The following RAD52 variants were observed in gnomAD, a reference collection of about 807,000 sequenced individuals.
RAD52 encodes DNA repair protein RAD52 homolog.
A neutral mutation model predicts 55.5 loss-of-function variants in RAD52; 47 were observed. The ratio of observed to expected loss-of-function variants is 0.85; its 90% CI spans 0.67 to 1.08. The LOEUF is 1.08. Ranked by LOEUF, RAD52 falls within the 50% of genes least tolerant of loss-of-function variation. RAD52 has a pLI of 0.00. For synonymous variants in RAD52, 184 were observed against 198.9 expected, an observed-to-expected ratio of 0.92 and a Z score of 0.63; for missense variants, 468 against 522.8, an observed-to-expected ratio of 0.90 and a Z score of 1.02.
chr12:927,631 C>A (rs1957111001), intron 5 of RAD52, among the ~76,000 whole-genome samples: 1 of 152,052 alleles, frequency 6.6e-6, no homozygotes, highest in Non-Finnish European at 1.5e-5. Flanking sequence ...TTTGGGAGGT[C>A]AAGGGAGGTG....
At chr12:959,415 A>G (rs1439759559) in intron 1 of RAD52, among the ~76,000 whole-genome samples, 1 of 152,236 alleles carries the variant, frequency 6.6e-6, no homozygotes, top group Non-Finnish European at 1.5e-5. Context: ...TGAAGGAGAT[A>G]AAGTCTATAC....
chr12:947,182 C>T (rs561685397), intron 1 of RAD52, among the ~76,000 whole-genome samples: 1 of 151,514 alleles, frequency 6.6e-6, no homozygotes, highest in African/African-American at 2.4e-5. Flanking sequence ...CAAAATTAGC[C>T]GGGTGTGGTG....
intron 1 of RAD52, among the ~76,000 whole-genome samples, chr12:943,326 G>A (rs1178697859): frequency 1.3e-5 from 2 of 152,308 alleles, no homozygotes; most frequent in East Asian, 3.9e-4. Flanking sequence ...AGCAGCAGAG[G>A]CCCAATCCCA....
intron 1 of RAD52, among the ~76,000 whole-genome samples, chr12:971,845 T>C (rs1592487482): frequency 6.6e-6 from 1 of 151,092 alleles, no homozygotes; most frequent in Non-Finnish European, 1.5e-5. Flanking sequence ...CCCCCCGGGG[T>C]TCACGCCATT....
rs1222789832 is a variant in RAD52 at position 920,340 on chromosome 12, AG to A, written c.544-3521del. ...GGGAGGCCGAGGTGGGCAGATCACG[AG>A]GTCAGGATATCGAGACCATCCTGGC... On this transcript the variant is annotated intron_variant, in intron 7 of 11. Transcript: ENST00000358495. Among the ~76,000 whole-genome samples the A allele has an allele frequency of 1.7e-5, 2 of 118,308 alleles. 1 individual carries two copies. Among genetic ancestry groups the A allele is most frequent in the Non-Finnish European group, 3.6e-5 (2 of 55,648 alleles). The allele number at this position is 118,308 out of a possible 152,430, so 77.6% of individuals were successfully genotyped here.
At chr12:958,038 T>C (rs1958632592) in intron 1 of RAD52, among the ~76,000 whole-genome samples, 1 of 152,148 alleles carries the variant, frequency 6.6e-6, no homozygotes, top group Non-Finnish European at 1.5e-5. Context: ...GATGGCTCAC[T>C]CGCGTGGCCA....
chr12:965,768 C>A (rs1277662047), intron 1 of RAD52, among the ~76,000 whole-genome samples: 2 of 151,908 alleles, frequency 1.3e-5, no homozygotes, highest in Non-Finnish European at 1.5e-5. Flanking sequence ...ACACTGCAAC[C>A]TCCGCCTTCC....
intron 1 of RAD52, among the ~76,000 whole-genome samples, chr12:944,608 T>TAA (rs778682036): frequency 0.18 from 16,372 of 93,298 alleles, 1,367 homozygotes; most frequent in African/African-American, 0.3. Flanking sequence ...AAAAACATGG[T>TAA]AAAAAAAAAA....
chr12:914,668 G>T, intron 9 of RAD52, 136 bp from the exon 10 acceptor site: 1 of 1,033,080 alleles, frequency 9.7e-7, no homozygotes, highest in Non-Finnish European at 1.4e-6. Context: ...CGCTGCTTCT[G>T]CCAGTAAAAA....
upstream of RAD52, chr12:949,760 A>C (rs1007225332): frequency 2.1e-4 from 32 of 152,114 alleles, no homozygotes; most frequent in African/African-American, 7.2e-4. Context: ...GAGGGGGAAA[A>C]AAAAAAACAC....
intron 7 of RAD52, among the ~76,000 whole-genome samples, chr12:917,133 A>G (rs907893295): frequency 3.3e-5 from 5 of 152,220 alleles, no homozygotes; most frequent in Admixed American, 1.3e-4. Context: ...GGAAATGAGC[A>G]CACACAGTCT....
chr12:973,146 T>C (rs1186357052), intron 1 of RAD52, among the ~76,000 whole-genome samples: 1 of 152,134 alleles, frequency 6.6e-6, no homozygotes, highest in Non-Finnish European at 1.5e-5. Flanking sequence ...CTCGGCTCAC[T>C]GCAAGCTCCC....
Position 973,781 on chromosome 12 carries a change from TC to T in RAD52, c.-19+16027del, listed in dbSNP as rs1301035545. ...GGCATGAGCCACCACGCCCAGTCCTTCTTTTTTTTTTTTTTTTTTTTTTAAG... is the reference window on the plus strand; with the variant it reads ...GGCATGAGCCACCACGCCCAGTCCTTTTTTTTTTTTTTTTTTTTTTTTAAG... On this transcript the variant is annotated intron_variant, in intron 1 of 11. Transcript: ENST00000430095. Among the ~76,000 whole-genome samples, 494 of 137,274 alleles carry T rather than the reference TC, an allele frequency of 3.6e-3. 8 individuals carry two copies. The highest frequency in any genetic ancestry group is 0.015 in the African/African-American group (467 of 32,006). 90.1% of individuals were successfully genotyped at this position (137,274 alleles called of 152,430 possible).
At chr12:950,219 G>T (rs1242297325), upstream of RAD52, among the ~76,000 whole-genome samples, 1 of 152,198 alleles carries the variant, frequency 6.6e-6, no homozygotes, top group Non-Finnish European at 1.5e-5. Flanking sequence ...GGCGCCTTCG[G>T]TTAGCGACGA....
chr12:916,412 T>TGCTGCA lies in RAD52; in HGVS notation c.791_796dup (p.Leu264_Gln265dup). On this transcript the variant is annotated inframe_insertion, in exon 9 of 12. Coordinates refer to ENST00000358495, the MANE Select transcript of RAD52 (RefSeq NM_134424.4). ...CTTCTCCATCCGCTCCCGGAACTGC[T>TGCTGCA]GCTGCAGCTGCTTCTGCCGGAGCTT... 1 of 1,608,618 alleles carries TGCTGCA rather than the reference T, an allele frequency of 6.2e-7. No individual in the cohort carries two copies. The highest frequency in any genetic ancestry group is 1.1e-5 in the South Asian group (1 of 90,782).
At chr12:926,776 A>G in intron 6 of RAD52, 4 of 1,531,530 alleles carry the variant, frequency 2.6e-6, no homozygotes, top group Non-Finnish European at 2.6e-6. Context: ...GTGACTGTGT[A>G]ACTACGTTAA....
chr12:971,356 T>C (rs1162865856), intron 1 of RAD52, among the ~76,000 whole-genome samples: 1 of 152,126 alleles, frequency 6.6e-6, no homozygotes, highest in Non-Finnish European at 1.5e-5. Context: ...GTGAGAATTA[T>C]ATAACTAAGA....
intron 1 of RAD52, among the ~76,000 whole-genome samples, chr12:945,561 G>A (rs1592438971): frequency 6.6e-6 from 1 of 151,176 alleles, no homozygotes; most frequent in South Asian, 2.1e-4. Flanking sequence ...AGCCTCCTGA[G>A]TAGCTGGAAC....
At position 916,528 on chromosome 12, in the gene RAD52, C is replaced by A. The variant is rs568486096; in HGVS notation, c.726-45G>T. The A allele has an allele frequency of 2.0e-4, 322 of 1,605,450 alleles. 4 individuals are homozygous for A. In the South Asian group the frequency reaches 3.1e-3, roughly 15 times the overall value. On this transcript the variant is annotated intron_variant, in intron 8 of 11. Transcript: ENST00000358495. ...CGAGGACGGGCTCCTGAGCAACAGC[C>A]GCGGCTGCTGGGAGGACACGCACGG...
Sources: allele counts gnomAD v4.1 joint callset (sites outside exome capture counted in the v4.1 genomes callset), GRCh38; gene constraint gnomAD v4.1.1; transcripts MANE v1.5; gene names NCBI Gene and HGNC (gene_info 2026-07-23, HGNC 2026-07-21).